RABGGTB: variants seen among roughly 807,000 people sequenced by gnomAD.
RABGGTB encodes the protein Rab geranylgeranyltransferase subunit beta, also known as geranylgeranyl transferase type-2 subunit beta.
Under a neutral mutation model 44.5 loss-of-function variants are expected in RABGGTB, and 20 were observed. The ratio of observed to expected loss-of-function variants is 0.45; its 90% CI spans 0.32 to 0.65. RABGGTB has a LOEUF of 0.65. Among genes scored for constraint, RABGGTB ranks in the 30% least tolerant of loss-of-function variants. The pLI, the probability that RABGGTB is intolerant of heterozygous loss-of-function variation, is 0.05. For synonymous variants in RABGGTB, 128 were observed against 136.7 expected, an observed-to-expected ratio of 0.94 and a Z score of 0.44; for missense variants, 302 against 398.7, an observed-to-expected ratio of 0.76 and a Z score of 2.06.
Position 75,792,270 on chromosome 1 carries a change from A to G in RABGGTB, c.669A>G (p.Gln223=), listed in dbSNP as rs147007509. 1.5e-4 allele frequency: 242 copies of G among 1,614,134 alleles called. No individual in the cohort carries two copies. Among genetic ancestry groups the G allele is most frequent in the South Asian group, 3.8e-4 (35 of 91,078 alleles). Reference sequence around the variant, plus strand: ...TTGGCTGGTGGCTTTGTGAACGACAATTACCCTCAGGCGGGCTCAATGGAA... The same window carrying G: ...TTGGCTGGTGGCTTTGTGAACGACAGTTACCCTCAGGCGGGCTCAATGGAA... The part of the protein sequence containing the change: ...DLLGWWLCER[Q]LPSGGLNGRP... The change falls in exon 7 of 9, where the codon CAA becomes CAG. Residue 223 remains glutamine, a synonymous_variant. Coordinates refer to ENST00000319942, the MANE Select transcript of RABGGTB (RefSeq NM_004582.4).
At chr1:75,792,975 G>A (rs192868960) in intron 7 of RABGGTB, among the ~76,000 whole-genome samples, 6 of 152,122 alleles carry the variant, frequency 3.9e-5, no homozygotes, top group South Asian at 2.1e-4. Flanking sequence ...ACAGGCGCAC[G>A]GCTAATTTTT....
intron 1 of RABGGTB, chr1:75,786,662 A>G (rs1236356780): frequency 1.9e-5 from 5 of 262,864 alleles, no homozygotes; most frequent in African/African-American, 9.1e-5. Flanking sequence ...AAAATTCGGT[A>G]CTTAATCACT....
chr1:75,790,536 T>C, intron 4 of RABGGTB: 1 of 953,212 alleles, frequency 1.0e-6, no homozygotes, highest in Middle Eastern at 5.3e-4. Flanking sequence ...ATTTCATTAT[T>C]AGAAATGGAC....
intron 1 of RABGGTB, 27 bp downstream of exon 1, chr1:75,786,301 C>T (rs1297238594): frequency 1.2e-6 from 2 of 1,613,866 alleles, no homozygotes; most frequent in Non-Finnish European, 1.7e-6. Context: ...CGCTGCTGTC[C>T]GGATGGGTTG....
Position 75,794,718 on chromosome 1 carries a change from T to C in RABGGTB, c.*68T>C. On this transcript the variant is annotated 3_prime_UTR_variant, in exon 9 of 9. Transcript: ENST00000319942. The stretch of plus-strand genomic sequence containing the variant: ...AACATTTCTGTATTTGAAGTGCTTA[T>C]CGAATCTAAAAGTGACTACTGTTAA... 2.2e-6 allele frequency: 3 copies of C among 1,357,980 alleles called. No individual in the cohort carries two copies. Among genetic ancestry groups the C allele is most frequent in the Non-Finnish European group, 2.9e-6 (3 of 1,021,256 alleles). The allele number at this position is 1,357,980 out of a possible 1,614,324, so 84.1% of individuals were successfully genotyped here.
chr1:75,789,485 A>G (rs772643263), intron 3 of RABGGTB, 129 bp downstream of exon 3: 13 of 904,572 alleles, frequency 1.4e-5, no homozygotes, highest in Non-Finnish European at 2.0e-5. Flanking sequence ...AAGGTCAATG[A>G]TGTAATGGCA....
chr1:75,786,481 C>G lies in RABGGTB; in HGVS notation c.3+207C>G, dbSNP rs552897695. Among the ~76,000 whole-genome samples the G allele has an allele frequency of 5.9e-5, 9 of 152,246 alleles. No homozygotes were observed. In the South Asian group the frequency reaches 1.7e-3, roughly 28 times the overall value. On this transcript the variant is annotated intron_variant, in intron 1 of 8. Transcript: ENST00000319942. ...ATGCCGCTTCTAATTTTATCCAGGC[C>G]TTCTTCTGTAGGGAGGGCCTGTTAA... is the stretch of plus-strand genomic sequence containing the variant.
At chr1:75,789,848 C>A (rs1649602672) in intron 3 of RABGGTB, 104 bp from the exon 4 acceptor site, 1 of 825,534 alleles carries the variant, frequency 1.2e-6, no homozygotes, top group Non-Finnish European at 2.0e-6. Context: ...AGGTTATATA[C>A]ACAGAGACAA....
rs1211370759 is a variant in RABGGTB, at chr1:75,789,941, C to T, written c.310-11C>T. On this transcript the variant is annotated splice_polypyrimidine_tract_variant and intron_variant, in intron 3 of 8. Coordinates refer to ENST00000319942, the MANE Select transcript of RABGGTB (RefSeq NM_004582.4). The stretch of plus-strand genomic sequence containing the variant: ...AAAGGGACATTTACCTAATACTTGT[C>T]TTTATTGCAGATTCTTACGCTGTAT... 1.3e-6 allele frequency: 2 copies of T among 1,579,458 alleles called. No individual in the cohort carries two copies. The highest frequency in any genetic ancestry group is 1.7e-6 in the Non-Finnish European group (2 of 1,151,178).
At chr1:75,788,947 C>T (rs1452835369) in intron 2 of RABGGTB, 5 of 567,564 alleles carry the variant, frequency 8.8e-6, no homozygotes, top group African/African-American at 7.5e-5. Context: ...TCCTGTGCTT[C>T]TCAGATAATT....
intron 3 of RABGGTB, 40 bp from the exon 4 acceptor site, chr1:75,789,912 C>A: frequency 2.1e-6 from 3 of 1,437,482 alleles, no homozygotes; most frequent in Non-Finnish European, 2.9e-6. Context: ...TTAGAATAAA[C>A]CTGAAAGGGA....
intron 7 of RABGGTB, 200 bp from the exon 8 acceptor site, chr1:75,793,884 C>T (rs1194465697): frequency 8.0e-6 from 4 of 500,116 alleles, no homozygotes; most frequent in Non-Finnish European, 1.4e-5. Context: ...TCTCTTCTTA[C>T]CCATTAATTG....
intron 1 of RABGGTB, 51 bp downstream of exon 1, chr1:75,786,325 T>C (rs1570925918): frequency 6.2e-7 from 1 of 1,609,444 alleles, no homozygotes; most frequent in African/African-American, 1.3e-5. Flanking sequence ...GCAGACAGGG[T>C]GGAGTAGGGT....
intron 4 of RABGGTB, among the ~76,000 whole-genome samples, chr1:75,790,944 C>T (rs1649632532): frequency 6.6e-6 from 1 of 152,058 alleles, no homozygotes; most frequent in South Asian, 2.1e-4. Flanking sequence ...TGCCCAGCCC[C>T]ACCTAATTTT....
chr1:75,786,210 C>T (rs1649467297), upstream of RABGGTB: 1 of 1,608,028 alleles, frequency 6.2e-7, no homozygotes, highest in Non-Finnish European at 8.5e-7. Context: ...CGCATCTGCG[C>T]AGGCGCCCGG....
chr1:75,792,354 A>G (rs1224193735), intron 7 of RABGGTB, 48 bp downstream of exon 7: 1 of 1,594,598 alleles, frequency 6.3e-7, no homozygotes, highest in African/African-American at 1.3e-5. Flanking sequence ...CCTTGAGTGA[A>G]TGCTGCTGCT....
intron 3 of RABGGTB, 100 bp from the exon 4 acceptor site, chr1:75,789,852 G>T: frequency 1.2e-6 from 1 of 851,758 alleles, no homozygotes; most frequent in East Asian, 2.5e-5. Context: ...TATATACACA[G>T]AGACAAAAGG....
Position 75,791,481 on chromosome 1 carries a change from T to C in RABGGTB, c.489T>C (p.Asn163=). ...TGTAGGGGAAGCTTGATGCTATTAA[T>C]GTGGAAAAGGCAATCGAATTTGTTT... ...LALLGKLDAI[N]VEKAIEFVLS... The change falls in exon 6 of 9, where the codon AAT becomes AAC. Residue 163 remains asparagine, a synonymous_variant. Transcript: ENST00000319942. The C allele has an allele frequency of 1.2e-6, 2 of 1,613,134 alleles. No individual in the cohort carries two copies. The highest frequency in any genetic ancestry group is 1.7e-6 in the Non-Finnish European group (2 of 1,179,846).
intron 7 of RABGGTB, chr1:75,793,332 G>A (rs1649692069): frequency 6.7e-6 from 1 of 148,758 alleles, no homozygotes; most frequent in Non-Finnish European, 1.5e-5. Context: ...CCTGACCTCA[G>A]GTGATCTACC....
Sources: gnomAD v4.1 joint callset for allele counts (sites outside exome capture counted in the v4.1 genomes callset) on GRCh38, gnomAD v4.1.1 for gene constraint, MANE v1.5 for transcripts, NCBI Gene and HGNC (gene_info 2026-07-23, HGNC 2026-07-21) for gene names.